The following OSMR variants were observed in gnomAD, a reference collection of about 807,000 sequenced individuals.
The protein encoded by OSMR is oncostatin M receptor.
Under a neutral mutation model 99.9 loss-of-function variants are expected in OSMR, and 81 were observed. The observed-to-expected ratio is 0.81, with a 90% CI of 0.68 to 0.97. The LOEUF (loss-of-function observed/expected upper bound fraction) is 0.97, where lower values mean the gene tolerates loss of function less well. OSMR is among the 50% of genes least tolerant of loss of function. OSMR has a pLI of 0.00. For synonymous variants in OSMR, 406 were observed against 410.4 expected (o/e 0.99, Z 0.13); for missense variants, 1,099 against 1,153.4 (o/e 0.95, Z 0.68).
chr5:38,930,680 C>T (rs959509899), intron 15 of OSMR, among the ~76,000 whole-genome samples: 1 of 152,098 alleles, frequency 6.6e-6, no homozygotes, highest in Non-Finnish European at 1.5e-5. Context: ...GAGAGATACT[C>T]TCTGAAAGAA....
At chr5:38,857,453 TC>T (rs1430379904) in intron 1 of OSMR, among the ~76,000 whole-genome samples, 4 of 135,096 alleles carry the variant, frequency 3.0e-5, no homozygotes, top group Non-Finnish European at 6.5e-5. Context: ...GAATTAGTTT[TC>T]CCCCGGCTTT....
At chr5:38,906,974 T>TA (rs1364489913) in intron 9 of OSMR, among the ~76,000 whole-genome samples, 1 of 152,212 alleles carries the variant, frequency 6.6e-6, no homozygotes, top group Admixed American at 6.5e-5. Context: ...CTTTCACACT[T>TA]AGCAGCCAAA....
At chr5:38,902,797 A>G (rs915345192) in intron 7 of OSMR, among the ~76,000 whole-genome samples, 2 of 152,140 alleles carry the variant, frequency 1.3e-5, no homozygotes, top group African/African-American at 2.4e-5. Flanking sequence ...TGTCTCAAGG[A>G]CCATCAGAGG....
chr5:38,888,970 G>T (rs1047681954), intron 7 of OSMR, among the ~76,000 whole-genome samples: 1 of 152,064 alleles, frequency 6.6e-6, no homozygotes, highest in Non-Finnish European at 1.5e-5. Flanking sequence ...TTTCTTCCTT[G>T]AGTATCGTGA....
At chr5:38,896,619 T>C (rs1385099240) in intron 7 of OSMR, among the ~76,000 whole-genome samples, 1 of 152,004 alleles carries the variant, frequency 6.6e-6, no homozygotes, top group Non-Finnish European at 1.5e-5. Flanking sequence ...TCTTCCTTTT[T>C]ATTTTGGATG....
intron 1 of OSMR, among the ~76,000 whole-genome samples, chr5:38,863,700 A>G (rs190225961): frequency 9.2e-4 from 140 of 152,304 alleles, no homozygotes; most frequent in Admixed American, 1.7e-3. Context: ...GTTTAAAATC[A>G]GTGTTTCTTT....
chr5:38,932,063 C>A, intron 16 of OSMR, 99 bp downstream of exon 16: 2 of 951,912 alleles, frequency 2.1e-6, no homozygotes, highest in Admixed American at 1.9e-5. Context: ...TATGAAACAA[C>A]GTATAAAAAA....
chr5:38,905,055 G>A (rs748608452), intron 9 of OSMR, among the ~76,000 whole-genome samples: 6 of 152,150 alleles, frequency 3.9e-5, no homozygotes, highest in African/African-American at 9.7e-5. Flanking sequence ...TGGGCCTCAG[G>A]AGATTTGATG....
At chr5:38,930,909 G>A (rs1746698517) in intron 15 of OSMR, among the ~76,000 whole-genome samples, 1 of 148,878 alleles carries the variant, frequency 6.7e-6, no homozygotes, top group African/African-American at 2.5e-5. Context: ...AGATGCCCTT[G>A]CAGAAGCATT....
rs758977078 is a variant in OSMR at position 38,869,128 on chromosome 5, G to A, written c.73+11G>A. The stretch of plus-strand genomic sequence containing the variant: ...CTTACCAGAGTGAAGGTAAGAAGTG[G>A]AAGGAACAGTAAAGACAAAAATCAC... On this transcript the variant is annotated intron_variant, in intron 2 of 17. Transcript: ENST00000274276. 1 of 1,587,234 alleles carries A rather than the reference G, an allele frequency of 6.3e-7. No individual in the cohort carries two copies. Among genetic ancestry groups the A allele is most frequent in the South Asian group, 1.1e-5 (1 of 90,448 alleles).
intron 9 of OSMR, among the ~76,000 whole-genome samples, chr5:38,911,460 A>T (rs1005806696): frequency 2.0e-5 from 3 of 152,212 alleles, no homozygotes; most frequent in African/African-American, 7.2e-5. Flanking sequence ...GACCAGATGC[A>T]TTCACAGCCA....
chr5:38,883,826 G>A lies in OSMR; in HGVS notation c.419-1G>A, dbSNP rs756069549. 4.3e-6 allele frequency: 7 copies of A among 1,612,280 alleles called. No homozygotes were observed. Among genetic ancestry groups the A allele is most frequent in the African/African-American group, 1.3e-5 (1 of 74,844 alleles). ...AACTTGGCTATTTTTTTTTCTTGCA[G>A]TACAAGATTCTACTGGACAGGATAT... On this transcript the variant is annotated splice_acceptor_variant, in intron 4 of 17. Transcript: ENST00000274276. LOFTEE classifies it high-confidence loss of function.
At chr5:38,895,966 G>A (rs1043229441) in intron 7 of OSMR, among the ~76,000 whole-genome samples, 2 of 151,882 alleles carry the variant, frequency 1.3e-5, no homozygotes, top group African/African-American at 4.8e-5. Flanking sequence ...TACTGTAGAT[G>A]TTTGGATTTA....
chr5:38,927,466 C>G (rs1274957346), intron 15 of OSMR, among the ~76,000 whole-genome samples: 1 of 152,242 alleles, frequency 6.6e-6, no homozygotes. Context: ...CCCACAGGCT[C>G]AACATCACAT....
rs1046513061 is a variant in OSMR at position 38,925,307 on chromosome 5, A to C, written c.2148A>C (p.Pro716=). The C allele has an allele frequency of 3.1e-6, 5 of 1,614,014 alleles. No individual in the cohort carries two copies. The highest frequency in any genetic ancestry group is 4.2e-6 in the Non-Finnish European group (5 of 1,179,996). ...CCTTCTATGAGTTTTTCATCACTCC[A>C]TTCACTAGTGCTGGTGAAGGCCCCA... ...PESFYEFFIT[P]FTSAGEGPSA... is the part of the protein sequence containing the mutation. The change falls in exon 15 of 18, where the codon CCA becomes CCC. Residue 716 remains proline (P), a synonymous_variant. Transcript: ENST00000274276.
intron 7 of OSMR, among the ~76,000 whole-genome samples, chr5:38,894,819 G>T (rs1744394101): frequency 6.6e-6 from 1 of 151,922 alleles, no homozygotes; most frequent in Non-Finnish European, 1.5e-5. Flanking sequence ...AACTAACAAA[G>T]AAATTCTGGA....
chr5:38,853,909 A>G (rs564098110), intron 1 of OSMR, among the ~76,000 whole-genome samples: 23 of 152,296 alleles, frequency 1.5e-4, no homozygotes, highest in African/African-American at 5.5e-4. Flanking sequence ...AAAGCTTCCC[A>G]TGGCTGTAGC....
chr5:38,900,253 G>A (rs141185880), intron 7 of OSMR, among the ~76,000 whole-genome samples: 2 of 152,236 alleles, frequency 1.3e-5, no homozygotes, highest in African/African-American at 4.8e-5. Flanking sequence ...TCTCCTAAGT[G>A]CACAGAGGTT....
intron 1 of OSMR, among the ~76,000 whole-genome samples, chr5:38,865,802 C>CT (rs1463910206): frequency 2.0e-5 from 3 of 152,222 alleles, no homozygotes; most frequent in African/African-American, 4.8e-5. Context: ...TCTTCTGGCC[C>CT]TTGGGCAGCA....
Sources: allele counts gnomAD v4.1 joint callset (sites outside exome capture counted in the v4.1 genomes callset), GRCh38; gene constraint gnomAD v4.1.1; transcripts MANE v1.5; gene names NCBI Gene and HGNC (gene_info 2026-07-23, HGNC 2026-07-21).